ALG9: variants seen among roughly 807,000 people sequenced by gnomAD.
The protein encoded by ALG9 is alpha-1,2-mannosyltransferase ALG9.
A neutral mutation model predicts 81.8 loss-of-function variants in ALG9; 55 were observed. The ratio of observed to expected loss-of-function variants is 0.67; its 90% CI spans 0.54 to 0.84. The LOEUF is 0.84. Ranked by LOEUF, ALG9 falls within the 40% of genes least tolerant of loss-of-function variation. ALG9 has a pLI of 0.00. For missense variants in ALG9, 629 were observed against 745.0 expected, an observed-to-expected ratio of 0.84 and a Z score of 1.81; for synonymous variants, 278 against 274.3, an observed-to-expected ratio of 1.01 and a Z score of -0.13.
intron 9 of ALG9, among the ~76,000 whole-genome samples, chr11:111,842,870 G>A (rs1956434960): frequency 6.6e-6 from 1 of 152,074 alleles, no homozygotes; most frequent in Non-Finnish European, 1.5e-5. Flanking sequence ...TTATCATACT[G>A]TAGAGAACAG....
At chr11:111,788,338 G>C (rs1236522997) in intron 14 of ALG9, 3 of 448,088 alleles carry the variant, frequency 6.7e-6, no homozygotes, top group Non-Finnish European at 1.3e-5. Context: ...CTTCAACAGT[G>C]AACTCTATCA....
chr11:111,825,040 T>G (rs929225263), intron 13 of ALG9, among the ~76,000 whole-genome samples: 1 of 152,202 alleles, frequency 6.6e-6, no homozygotes, highest in African/African-American at 2.4e-5. Context: ...CAATTTACAT[T>G]AGAAACAAAC....
At chr11:111,769,263 G>A in the ALG9 span, 2 of 131,820 alleles carry the variant, frequency 1.5e-5, no homozygotes, top group Non-Finnish European at 3.2e-5. Context: ...GTGAGCTGAG[G>A]TCACACCACT....
intron 8 of ALG9, among the ~76,000 whole-genome samples, chr11:111,850,447 T>C (rs1957585404): frequency 6.6e-6 from 1 of 152,090 alleles, no homozygotes; most frequent in African/African-American, 2.4e-5. Context: ...GGCTCATGCC[T>C]GTAATCCCAG....
Position 111,785,957 on chromosome 11 carries a change from G to C in ALG9, c.*440C>G, listed in dbSNP as rs1946414754. ...CTGCTAGGAGCTGCCAAACAGCTTTGGTGGAGAAGCCCATATGGCCTAAGA... is the reference window on the plus strand; with the variant it reads ...CTGCTAGGAGCTGCCAAACAGCTTTCGTGGAGAAGCCCATATGGCCTAAGA... On this transcript the variant is annotated 3_prime_UTR_variant, in exon 15 of 15. Coordinates refer to ENST00000616540, the MANE Select transcript of ALG9 (RefSeq NM_024740.2). 2 of 445,546 alleles carry C rather than the reference G, an allele frequency of 4.5e-6. No homozygotes were observed. Among genetic ancestry groups the C allele is most frequent in the South Asian group, 1.6e-5 (1 of 62,806 alleles). The allele number at this position is 445,546 out of a possible 1,614,324, so 27.6% of individuals were successfully genotyped here. A position where few individuals can be genotyped will look rare whatever the true frequency, so the allele number is the denominator to read the frequency against.
intron 8 of ALG9, among the ~76,000 whole-genome samples, chr11:111,850,325 G>A (rs1316823546): frequency 6.6e-6 from 1 of 152,072 alleles, no homozygotes; most frequent in Non-Finnish European, 1.5e-5. Flanking sequence ...TGTAAGTCTG[G>A]AATATACAAG....
At chr11:111,779,080 T>C (rs375675049), downstream of ALG9, among the ~76,000 whole-genome samples, 4 of 152,032 alleles carry the variant, frequency 2.6e-5, no homozygotes, top group East Asian at 5.8e-4. Context: ...TCCCAAAGTG[T>C]TGGGATTACA....
chr11:111,867,499 A>G (rs1555154339), intron 3 of ALG9, among the ~76,000 whole-genome samples: 2 of 152,228 alleles, frequency 1.3e-5, no homozygotes, highest in Non-Finnish European at 2.9e-5. Flanking sequence ...AAAAAAAATT[A>G]GAAGATATAA....
chr11:111,809,634 G>C lies in ALG9; in HGVS notation c.1733+9C>G. 2 of 1,613,858 alleles carry C rather than the reference G, an allele frequency of 1.2e-6. No individual in the cohort carries two copies. The highest frequency in any genetic ancestry group is 8.5e-7 in the Non-Finnish European group (1 of 1,179,866). On this transcript the variant is annotated intron_variant, in intron 14 of 14. Coordinates refer to ENST00000616540, the MANE Select transcript of ALG9 (RefSeq NM_024740.2). Reference sequence around the variant, plus strand: ...TCCTGGAATATCCCATAGGATTAAAGCCACATACCTAGAAGCATCAAGGAA... The same window carrying C: ...TCCTGGAATATCCCATAGGATTAAACCCACATACCTAGAAGCATCAAGGAA...
intron 1 of ALG9, chr11:111,870,792 G>A (rs782048150): frequency 4.8e-5 from 48 of 1,006,628 alleles, no homozygotes; most frequent in African/African-American, 8.7e-5. Context: ...CCACAAAGCT[G>A]TCATTCTCCT....
Position 111,784,512 on chromosome 11 carries a change from G to A in ALG9, c.*1885C>T, listed in dbSNP as rs1356019794. On this transcript the variant is annotated 3_prime_UTR_variant, in exon 15 of 15. Transcript: ENST00000616540. ...GCGGGTGGATGACCTGAGGTCAGGA[G>A]TCCAAGACCAGCCTGGCCAACATGG... 3 of 152,264 alleles carry A rather than the reference G, an allele frequency of 2.0e-5. No homozygotes were observed. The highest frequency in any genetic ancestry group is 4.4e-5 in the Non-Finnish European group (3 of 68,098). 9.4% of individuals were successfully genotyped at this position (152,264 alleles called of 1,614,324 possible).
At chr11:111,855,330 C>T (rs1555142346) in intron 6 of ALG9, among the ~76,000 whole-genome samples, 1 of 152,152 alleles carries the variant, frequency 6.6e-6, no homozygotes, top group Non-Finnish European at 1.5e-5. Context: ...AATGGAGAAG[C>T]TGCCATAGAG....
intron 13 of ALG9, chr11:111,817,106 A>G (rs1344046986): frequency 2.0e-5 from 3 of 152,214 alleles, no homozygotes. Flanking sequence ...GTTTGTTGAG[A>G]AACAAAACGA....
chr11:111,868,664 C>G lies in ALG9; in HGVS notation c.343G>C (p.Ala115Pro). The G allele has an allele frequency of 6.2e-7, 1 of 1,613,966 alleles. No homozygotes were observed. The highest frequency in any genetic ancestry group is 8.5e-7 in the Non-Finnish European group (1 of 1,179,870). ...YSPAYAIRSY[A>P]YLLLHAWPAA... The stretch of plus-strand genomic sequence containing the variant: ...GGCCAGGCATGAAGCAACAGGTAAG[C>G]ATAGGAGCGAATGGCATATGCTGGG... Residue 115 changes from alanine (A) to proline (P), a missense_variant, in exon 3 of 15, where the codon GCT becomes CCT. Physicochemically the swap from Ala to Pro is conservative, Grantham distance 27 (BLOSUM62 -1). This residue lies in a region of ALG9 where 344 missense variants were observed against 390.5 expected (regional missense o/e 0.88). Coordinates refer to ENST00000616540, the MANE Select transcript of ALG9 (RefSeq NM_024740.2).
At chr11:111,832,874 A>G (rs1272607111) in intron 13 of ALG9, among the ~76,000 whole-genome samples, 1 of 152,176 alleles carries the variant, frequency 6.6e-6, no homozygotes, top group African/African-American at 2.4e-5. Flanking sequence ...TCTAGAAAAA[A>G]TAAAACTATT....
At chr11:111,776,260 A>G in the ALG9 span, among the ~76,000 whole-genome samples, 1 of 152,206 alleles carries the variant, frequency 6.6e-6, no homozygotes, top group Non-Finnish European at 1.5e-5. Context: ...ATTCCTCCAC[A>G]GAGCAAATCT....
rs191192325 is a variant in ALG9 at position 111,804,583 on chromosome 11, C to G, written c.1733+5060G>C. On this transcript the variant is annotated intron_variant, in intron 14 of 14. Coordinates refer to ENST00000616540, the MANE Select transcript of ALG9 (RefSeq NM_024740.2). The stretch of plus-strand genomic sequence containing the variant: ...TCCAGCTTGGGTGACAGAGCGAGAC[C>G]CTGTCTCAAAAACAAACAAAAAACC... Among the ~76,000 whole-genome samples the G allele has an allele frequency of 3.4e-3, 516 of 152,118 alleles. 5 individuals are homozygous for G. The highest frequency in any genetic ancestry group is 0.011 in the African/African-American group (469 of 41,494).
intron 6 of ALG9, among the ~76,000 whole-genome samples, chr11:111,856,289 A>AAG (rs1555143058): frequency 6.6e-6 from 1 of 150,638 alleles, no homozygotes; most frequent in African/African-American, 2.4e-5. Flanking sequence ...AAAAAAAAAA[A>AAG]AAAAAAAGAA....
Position 111,857,564 on chromosome 11 carries a change from CCCAGCGATATATGGGAGGAGAACT to C in ALG9, c.701+14_701+37del. On this transcript the variant is annotated intron_variant, in intron 6 of 14. Transcript: ENST00000616540. Reference sequence around the variant, plus strand: ...ATCCAACATTAAGATTTACTATATGCCCAGCGATATATGGGAGGAGAACTGTTAGTTTCTTACCCAAGAGCTGCA... The same window carrying C: ...ATCCAACATTAAGATTTACTATATGCGTTAGTTTCTTACCCAAGAGCTGCA... 6.2e-7 allele frequency: 1 copy of C among 1,613,616 alleles called. No individual in the cohort carries two copies. The highest frequency in any genetic ancestry group is 1.3e-5 in the African/African-American group (1 of 75,012).
Sources: gnomAD v4.1 joint callset for allele counts (sites outside exome capture counted in the v4.1 genomes callset) on GRCh38, gnomAD v4.1.1 for gene constraint, gnomAD v4.1.1 regional missense constraint, MANE v1.5 for transcripts, NCBI Gene and HGNC (gene_info 2026-07-23, HGNC 2026-07-21) for gene names.